The following MEGF8 variants were observed in gnomAD, a reference collection of about 807,000 sequenced individuals.
MEGF8 encodes the protein multiple epidermal growth factor-like domains protein 8.
In MEGF8, 156 loss-of-function variants were observed where a neutral mutation model predicts 302.9. That is an observed-to-expected ratio of 0.52 (90% CI 0.45 to 0.59). The LOEUF (loss-of-function observed/expected upper bound fraction) is 0.59, where lower values mean the gene tolerates loss of function less well. Among genes scored for constraint, MEGF8 ranks in the 20% least tolerant of loss-of-function variants. The pLI is 0.00. For synonymous variants in MEGF8, 1,621 were observed against 1,660.5 expected, an observed-to-expected ratio of 0.98 and a Z score of 0.58; for missense variants, 3,345 against 3,964.5, an observed-to-expected ratio of 0.84 and a Z score of 4.20.
chr19:42,355,871 G>A lies in MEGF8; in HGVS notation c.4258G>A (p.Glu1420Lys). Residue 1420 changes from glutamate (E) to lysine (K), a missense_variant, in exon 24 of 42, where the codon GAA (glutamate) becomes AAA (lysine). Coordinates refer to ENST00000251268, the MANE Select transcript of MEGF8 (RefSeq NM_001271938.2). ...CCCCGGGAGCTGTCCCGTCCCCCAG[G>A]AATGCGTGCCCCAGGACGGTGCTGC... ...GGPGSCPVPQ[E>K]CVPQDGAAGA... 1.3e-6 allele frequency: 2 copies of A among 1,573,432 alleles called. No homozygotes were observed. Among genetic ancestry groups the A allele is most frequent in the East Asian group, 2.3e-5 (1 of 42,580 alleles).
rs2039748667 is a variant in MEGF8, at chr19:42,375,226, T to G, written c.7270-281T>G. On this transcript the variant is annotated intron_variant, in intron 41 of 41. Coordinates refer to ENST00000251268, the MANE Select transcript of MEGF8 (RefSeq NM_001271938.2). This position sits in a 1 kb window ranked among gnomAD's most constrained non-coding sequence, Gnocchi z 7.1. ...GTAGAGCCAGAATGCAGCCGCGTTCTTCACTGCTGTGCCTCAGAGTGCCAG... is the reference window on the plus strand; with the variant it reads ...GTAGAGCCAGAATGCAGCCGCGTTCGTCACTGCTGTGCCTCAGAGTGCCAG... 6.6e-6 allele frequency among the ~76,000 whole-genome samples: 1 copy of G among 152,170 alleles called. No individual in the cohort carries two copies. The highest frequency in any genetic ancestry group is 2.4e-5 in the African/African-American group (1 of 41,438).
chr19:42,341,500 C>T (rs1438655369), intron 8 of MEGF8, among the ~76,000 whole-genome samples: 1 of 151,880 alleles, frequency 6.6e-6, no homozygotes, highest in African/African-American at 2.4e-5. Flanking sequence ...TGAGGCCTCC[C>T]TATGTTGCCC....
rs760912094 is a variant in MEGF8, at chr19:42,334,174, G to A, written c.519G>A (p.Glu173=). Residue 173 remains glutamate, a synonymous_variant, in exon 3 of 42, where the codon GAG becomes GAA. Transcript: ENST00000251268. ...GWGGPDCGLQ[E]CSAYCGSHGT... is the part of the protein sequence containing the mutation. ...GGGGTCCTGACTGTGGCCTGCAGGA[G>A]TGCTCAGCCTACTGTGGCAGCCACG... 5 of 1,610,342 alleles carry A rather than the reference G, an allele frequency of 3.1e-6. No individual in the cohort carries two copies. The highest frequency in any genetic ancestry group is 1.7e-5 in the Admixed American group (1 of 59,928).
In MEGF8 at chr19:42,354,479, A is replaced by T; in HGVS notation, c.4012-109A>T. 7.8e-7 allele frequency: 1 copy of T among 1,283,704 alleles called. No individual in the cohort carries two copies. Among genetic ancestry groups the T allele is most frequent in the Non-Finnish European group, 1.1e-6 (1 of 922,872 alleles). 79.5% of individuals were successfully genotyped at this position (1,283,704 alleles called of 1,614,324 possible). A position where few individuals can be genotyped will look rare whatever the true frequency, so the allele number is the denominator to read the frequency against. ...TCTCCCCTGGATGTTCAAACAGCCCATTTCCCAGTCTCAGATTGCCCTCCC... is the reference window on the plus strand; with the variant it reads ...TCTCCCCTGGATGTTCAAACAGCCCTTTTCCCAGTCTCAGATTGCCCTCCC... On this transcript the variant is annotated intron_variant, in intron 22 of 41. Coordinates refer to ENST00000251268, the MANE Select transcript of MEGF8 (RefSeq NM_001271938.2). This position sits in a 1 kb window ranked among gnomAD's most constrained non-coding sequence, Gnocchi z 4.3.
intron 41 of MEGF8, among the ~76,000 whole-genome samples, chr19:42,372,315 T>C (rs1160828063): frequency 6.6e-6 from 1 of 152,212 alleles, no homozygotes; most frequent in Non-Finnish European, 1.5e-5. Flanking sequence ...TATCATTTAA[T>C]ACCCAGATTC....
In MEGF8 at chr19:42,375,999, G is replaced by A. The variant is rs147796963; in HGVS notation, c.7762G>A (p.Val2588Met). 3.4e-5 allele frequency: 55 copies of A among 1,606,634 alleles called. No individual in the cohort carries two copies. The African/African-American group carries it at 5.2e-4, about 15-fold the overall frequency. The change falls in exon 42 of 42, where the codon GTG (valine) becomes ATG (methionine). Residue 2588 changes from valine (V) to methionine (M), a missense_variant. By Grantham distance (21) the Val-to-Met change is conservative. Coordinates refer to ENST00000251268, the MANE Select transcript of MEGF8 (RefSeq NM_001271938.2). This position sits in a 1 kb window ranked among gnomAD's most constrained non-coding sequence, Gnocchi z 7.1. ...VTVTEPSAVL[V>M]VRGVRDRLVI... ...GGTGACGGAGCCGTCGGCAGTGCTG[G>A]TGGTCCGCGGCGTGCGGGACCGGCT... is the stretch of plus-strand genomic sequence containing the variant.
rs763858957 is a variant in MEGF8 at position 42,336,910 on chromosome 19, T to C, written c.1348T>C (p.Phe450Leu). Residue 450 changes from phenylalanine to leucine, a missense_variant, in exon 7 of 42, where the codon TTC (phenylalanine) becomes CTC (leucine). Coordinates refer to ENST00000251268, the MANE Select transcript of MEGF8 (RefSeq NM_001271938.2). This position sits in a 1 kb window ranked among gnomAD's most constrained non-coding sequence, Gnocchi z 4.8. ...DGLQGPRERAFHTASVLGNYM... is the reference protein window; with the variant it reads ...DGLQGPRERALHTASVLGNYM... ...GCTTCAGGGCCCAAGGGAGCGAGCC[T>C]TCCACACAGCCAGTGTTCTGGGCAA... 1 of 1,613,834 alleles carries C rather than the reference T, an allele frequency of 6.2e-7. No individual in the cohort carries two copies. The highest frequency in any genetic ancestry group is 1.1e-5 in the South Asian group (1 of 91,088).
rs1446204125 is a variant in MEGF8 at position 42,344,772 on chromosome 19, T to A, written c.2036T>A (p.Phe679Tyr). The change falls in exon 12 of 42, where the codon TTC becomes TAC. Residue 679 changes from phenylalanine (F) to tyrosine (Y), a missense_variant. By Grantham distance (22) the Phe-to-Tyr change is conservative. Coordinates refer to ENST00000251268, the MANE Select transcript of MEGF8 (RefSeq NM_001271938.2). This position sits in a 1 kb window ranked among gnomAD's most constrained non-coding sequence, Gnocchi z 4.5. ...TSLEACVTQS[F>Y]LPGLHLLTFQ... ...CTGGAGGCCTGCGTCACCCAGAGCT[T>A]CCTGCCTGGCCTGCACTTGCTCACC... 4 of 1,611,442 alleles carry A rather than the reference T, an allele frequency of 2.5e-6. No individual in the cohort carries two copies.
chr19:42,344,849 G>T lies in MEGF8; in HGVS notation c.2097+16G>T. ...GCCTGACAAGGTGGGTAGGAGGCGT[G>T]GCCCTGGGTGGGGTGTTGATGATCC... On this transcript the variant is annotated intron_variant, in intron 12 of 41. Coordinates refer to ENST00000251268, the MANE Select transcript of MEGF8 (RefSeq NM_001271938.2). The surrounding 1 kb of genome is among the most constrained non-coding windows in gnomAD (Gnocchi z 4.5). 6.5e-7 allele frequency: 1 copy of T among 1,532,288 alleles called. No homozygotes were observed. The highest frequency in any genetic ancestry group is 8.8e-7 in the Non-Finnish European group (1 of 1,136,178). The allele number at this position is 1,532,288 out of a possible 1,614,324, so 94.9% of individuals were successfully genotyped here.
In MEGF8 at chr19:42,344,657, C is replaced by T; in HGVS notation, c.1934-13C>T. The T allele has an allele frequency of 1.3e-6, 2 of 1,563,862 alleles. No homozygotes were observed. The highest frequency in any genetic ancestry group is 3.6e-5 in the Admixed American group (2 of 55,280). ...CACACTGACCCACCGGCCCCCACCC[C>T]CTGTCTTCTCAGAGCAGGCCCGCTG... On this transcript the variant is annotated splice_polypyrimidine_tract_variant and intron_variant, in intron 11 of 41. Coordinates refer to ENST00000251268, the MANE Select transcript of MEGF8 (RefSeq NM_001271938.2). The surrounding 1 kb of genome is among the most constrained non-coding windows in gnomAD (Gnocchi z 4.5).
chr19:42,358,781 C>A lies in MEGF8; in HGVS notation c.5176-6C>A. On this transcript the variant is annotated splice_polypyrimidine_tract_variant and splice_region_variant and intron_variant, in intron 29 of 41. Transcript: ENST00000251268. The surrounding 1 kb of genome is among the most constrained non-coding windows in gnomAD (Gnocchi z 4.4). ...CTCAACCCCAGGACGCCCCCACTGT[C>A]ACTAGCGAGATCGTATGAGGAATGT... 2 of 1,532,840 alleles carry A rather than the reference C, an allele frequency of 1.3e-6. No individual in the cohort carries two copies. The highest frequency in any genetic ancestry group is 1.8e-6 in the Non-Finnish European group (2 of 1,140,820). The allele number at this position is 1,532,840 out of a possible 1,614,324, so 95.0% of individuals were successfully genotyped here.
intron 1 of MEGF8, among the ~76,000 whole-genome samples, chr19:42,332,616 T>C (rs1182557743): frequency 1.3e-5 from 2 of 152,148 alleles, no homozygotes; most frequent in African/African-American, 2.4e-5. Context: ...TCCGCCTGCC[T>C]TGGCCTCTCA....
intron 8 of MEGF8, among the ~76,000 whole-genome samples, chr19:42,339,022 C>T (rs1043414630): frequency 1.5e-4 from 23 of 151,374 alleles, no homozygotes; most frequent in African/African-American, 5.1e-4. Flanking sequence ...TTAGTAGAGA[C>T]GGGGTTTCAC....
Position 42,369,713 on chromosome 19 carries a change from A to C in MEGF8, c.6824A>C (p.Asn2275Thr). ...GARDHCLLCR[N>T]HTKGSHCEQC... Reference sequence around the variant, plus strand: ...CGTGACCACTGCTTGCTCTGCCGCAACCACACCAAGGTGGGCCGCCCGGAG... The same window carrying C: ...CGTGACCACTGCTTGCTCTGCCGCACCCACACCAAGGTGGGCCGCCCGGAG... The change falls in exon 38 of 42, where the codon AAC becomes ACC. Residue 2275 changes from asparagine (N) to threonine (T), a missense_variant. Asn to Thr is a moderately conservative substitution (Grantham distance 65, BLOSUM62 0). Coordinates refer to ENST00000251268, the MANE Select transcript of MEGF8 (RefSeq NM_001271938.2). This position sits in a 1 kb window ranked among gnomAD's most constrained non-coding sequence, Gnocchi z 5.7. The C allele has an allele frequency of 1.9e-6, 3 of 1,607,848 alleles. No homozygotes were observed. The highest frequency in any genetic ancestry group is 2.5e-6 in the Non-Finnish European group (3 of 1,178,108).
intron 1 of MEGF8, among the ~76,000 whole-genome samples, chr19:42,327,066 T>TC (rs2038994309): frequency 6.6e-6 from 1 of 152,162 alleles, no homozygotes; most frequent in African/African-American, 2.4e-5. Context: ...TCTGTTTCCT[T>TC]CCCCCACAAA....
chr19:42,336,206 T>C lies in MEGF8; in HGVS notation c.1104T>C (p.Leu368=). The C allele has an allele frequency of 6.2e-7, 1 of 1,610,380 alleles. No individual in the cohort carries two copies. The highest frequency in any genetic ancestry group is 2.2e-5 in the East Asian group (1 of 44,888). The change falls in exon 6 of 42, where the codon CTT becomes CTC. Residue 368 remains leucine, a synonymous_variant. Coordinates refer to ENST00000251268, the MANE Select transcript of MEGF8 (RefSeq NM_001271938.2). The surrounding 1 kb of genome is among the most constrained non-coding windows in gnomAD (Gnocchi z 4.8). ...CCTCTGGCCTCTTCCGTTTCCGCCT[T>C]GACAGCACCAGCGGGGGCTATTGGG... is the stretch of plus-strand genomic sequence containing the variant. ...LFSSGLFRFR[L]DSTSGGYWEQ...
Position 42,356,649 on chromosome 19 carries a change from G to T in MEGF8, c.4623-125G>T. ...CTTATTTGGGTGGTGCTACTCCAGG[G>T]AATGGCAAGAGGACTGTCATAGGAA... is the stretch of plus-strand genomic sequence containing the variant. On this transcript the variant is annotated intron_variant, in intron 26 of 41. Coordinates refer to ENST00000251268, the MANE Select transcript of MEGF8 (RefSeq NM_001271938.2). This position sits in a 1 kb window ranked among gnomAD's most constrained non-coding sequence, Gnocchi z 5.2. The T allele has an allele frequency of 9.2e-7, 1 of 1,085,712 alleles. No homozygotes were observed. Among genetic ancestry groups the T allele is most frequent in the Non-Finnish European group, 1.3e-6 (1 of 770,264 alleles). 67.3% of individuals were successfully genotyped at this position (1,085,712 alleles called of 1,614,324 possible).
chr19:42,376,709 G>T lies in MEGF8; in HGVS notation c.8472G>T (p.Gly2824=), dbSNP rs559090398. 84 of 1,503,324 alleles carry T rather than the reference G, an allele frequency of 5.6e-5. 1 individual carries two copies. The South Asian group carries it at 1.0e-3, about 18-fold the overall frequency. 93.1% of individuals were successfully genotyped at this position (1,503,324 alleles called of 1,614,324 possible). ...CGGGGGAGGS[G]HGTGAGRKGL... is the part of the protein sequence containing the mutation. Reference sequence around the variant, plus strand: ...GTGGTGGGGGTGCTGGGGGCAGTGGGCATGGGACTGGTGCGGGCCGGAAGG... The same window carrying T: ...GTGGTGGGGGTGCTGGGGGCAGTGGTCATGGGACTGGTGCGGGCCGGAAGG... The change falls in exon 42 of 42, where the codon GGG becomes GGT. Residue 2824 remains glycine, a synonymous_variant. Transcript: ENST00000251268. The surrounding 1 kb of genome is among the most constrained non-coding windows in gnomAD (Gnocchi z 8.2).
chr19:42,333,504 A>G lies in MEGF8; in HGVS notation c.188-101A>G, dbSNP rs10421409. 4,788 of 1,315,306 alleles carry G rather than the reference A, an allele frequency of 3.6e-3. 119 individuals are homozygous for G. The African/African-American group carries it at 0.054, about 15-fold the overall frequency. The allele number at this position is 1,315,306 out of a possible 1,614,324, so 81.5% of individuals were successfully genotyped here. On this transcript the variant is annotated intron_variant, in intron 1 of 41. Transcript: ENST00000251268. ...TCTGACTCATTCTTGAGCCCCCAGC[A>G]TCACCTGGATCAGGGTTTGGTGTAC...
Sources: allele counts gnomAD v4.1 joint callset (sites outside exome capture counted in the v4.1 genomes callset), GRCh38; gene constraint gnomAD v4.1.1; non-coding constraint Gnocchi (gnomAD v3.1); transcripts MANE v1.5; gene names NCBI Gene and HGNC (gene_info 2026-07-23, HGNC 2026-07-21).